SNX13: variants seen among roughly 807,000 people sequenced by gnomAD.
SNX13 encodes sorting nexin 13.
A neutral mutation model predicts 133.6 loss-of-function variants in SNX13; 45 were observed. That is an observed-to-expected ratio of 0.34 (90% confidence interval 0.27 to 0.43). The LOEUF is 0.43. Ranked by LOEUF, SNX13 falls within the 20% of genes least tolerant of loss-of-function variation. SNX13 has a pLI of 1.00. For synonymous variants in SNX13, 414 were observed against 373.9 expected (o/e 1.11, Z -1.24); for missense variants, 1,032 against 1,145.1 (o/e 0.90, Z 1.43).
At chr7:17,878,822 T>C (rs1284673595) in intron 5 of SNX13, among the ~76,000 whole-genome samples, 1 of 152,170 alleles carries the variant, frequency 6.6e-6, no homozygotes, top group African/African-American at 2.4e-5. Flanking sequence ...GTTATGCAGA[T>C]TCACAGGCTT....
At chr7:17,917,286 T>G (rs968654549) in intron 1 of SNX13, among the ~76,000 whole-genome samples, 1 of 152,080 alleles carries the variant, frequency 6.6e-6, no homozygotes, top group Non-Finnish European at 1.5e-5. Context: ...CCACTCCTAT[T>G]TAACATAGTA....
intron 8 of SNX13, among the ~76,000 whole-genome samples, chr7:17,873,260 A>G (rs1794323402): frequency 6.6e-6 from 1 of 152,154 alleles, no homozygotes; most frequent in South Asian, 2.1e-4. Context: ...TTGTTCTTTC[A>G]TGTACACACA....
chr7:17,926,898 G>A (rs946421042), intron 1 of SNX13, among the ~76,000 whole-genome samples: 2 of 151,828 alleles, frequency 1.3e-5, no homozygotes, highest in Non-Finnish European at 2.9e-5. Context: ...AAAAGAAAAA[G>A]GAATAGACTA....
chr7:17,831,295 C>T, intron 15 of SNX13: 1 of 955,928 alleles, frequency 1.0e-6, no homozygotes, highest in Non-Finnish European at 1.2e-6. Flanking sequence ...CATGGTGAGA[C>T]AAATAATGTT....
In SNX13 at chr7:17,940,372, G is replaced by A. The variant is rs965202420; in HGVS notation, c.-77C>T. On this transcript the variant is annotated 5_prime_UTR_variant, in exon 1 of 26. An upstream open reading frame in the 5' UTR gains an earlier in-frame stop. Transcript: ENST00000428135. ...GCCGTAGCAGCAGCGAAAACTGCTC[G>A]GGCCGCCGCCAACGGCGGCAACTGC... is the stretch of plus-strand genomic sequence containing the variant. The A allele has an allele frequency of 1.3e-6, 2 of 1,520,688 alleles. No individual in the cohort carries two copies. The highest frequency in any genetic ancestry group is 2.4e-5 in the East Asian group (1 of 40,822). 94.2% of individuals were successfully genotyped at this position (1,520,688 alleles called of 1,614,324 possible).
At chr7:17,935,785 T>C (rs907213191) in intron 1 of SNX13, among the ~76,000 whole-genome samples, 5 of 152,198 alleles carry the variant, frequency 3.3e-5, no homozygotes, top group African/African-American at 1.2e-4. Flanking sequence ...TCTTGACACC[T>C]CTGAATGCCA....
intron 9 of SNX13, among the ~76,000 whole-genome samples, chr7:17,864,885 C>G (rs1395279821): frequency 6.6e-6 from 1 of 152,026 alleles, no homozygotes; most frequent in Non-Finnish European, 1.5e-5. Flanking sequence ...AGCTCTGATA[C>G]GTCTGGCAGC....
intron 9 of SNX13, among the ~76,000 whole-genome samples, chr7:17,860,401 G>T (rs886298276): frequency 2.0e-5 from 3 of 152,074 alleles, no homozygotes; most frequent in Admixed American, 6.6e-5. Context: ...CGGATATATG[G>T]CTTGCAAATA....
At chr7:17,900,799 A>T (rs573577819) in intron 1 of SNX13, among the ~76,000 whole-genome samples, 1 of 152,288 alleles carries the variant, frequency 6.6e-6, no homozygotes, top group East Asian at 1.9e-4. Context: ...TTGGTGCTCT[A>T]TTCCACTGTA....
At chr7:17,857,400 C>G (rs1743984397) in intron 9 of SNX13, among the ~76,000 whole-genome samples, 1 of 152,152 alleles carries the variant, frequency 6.6e-6, no homozygotes, top group South Asian at 2.1e-4. Context: ...CCCAGCATTA[C>G]TCTAACACCA....
intron 9 of SNX13, among the ~76,000 whole-genome samples, chr7:17,856,801 A>G (rs79256263): frequency 1.3e-5 from 2 of 148,896 alleles, no homozygotes; most frequent in Non-Finnish European, 3.0e-5. Flanking sequence ...AAAAAAAAAA[A>G]AAGAAAGAAA....
rs1388469705 is a variant in SNX13, at chr7:17,862,543, TA to T, written c.837+5863del. 2.0e-5 allele frequency among the ~76,000 whole-genome samples: 3 copies of T among 152,312 alleles called. No homozygotes were observed. In the East Asian group the frequency reaches 5.8e-4, roughly 29 times the overall value. ...AAGTATATTTTTCTAAAGAATGGGA[TA>T]TTTATCTAACATATATGCTAATTTT... is the stretch of plus-strand genomic sequence containing the variant. On this transcript the variant is annotated intron_variant, in intron 9 of 25. Coordinates refer to ENST00000428135, the MANE Select transcript of SNX13 (RefSeq NM_015132.5).
At chr7:17,868,673 TAC>T (rs1793692972) in intron 8 of SNX13, among the ~76,000 whole-genome samples, 183 bp from the exon 9 acceptor site, 1 of 152,080 alleles carries the variant, frequency 6.6e-6, no homozygotes, top group South Asian at 2.1e-4. Context: ...ATAAATGAGA[TAC>T]AGTTACCTGT....
At chr7:17,918,739 A>G (rs1393046357) in intron 1 of SNX13, among the ~76,000 whole-genome samples, 2 of 152,246 alleles carry the variant, frequency 1.3e-5, no homozygotes, top group Non-Finnish European at 2.9e-5. Flanking sequence ...GGACCCCACA[A>G]TCCCATTACT....
At position 17,876,265 on chromosome 7, in the gene SNX13, G is replaced by C. The variant is rs546674365; in HGVS notation, c.441-475C>G. Among the ~76,000 whole-genome samples the C allele has an allele frequency of 4.6e-5, 7 of 152,274 alleles. No individual in the cohort carries two copies. In the East Asian group the frequency reaches 1.4e-3, roughly 29 times the overall value. On this transcript the variant is annotated intron_variant, in intron 5 of 25. Transcript: ENST00000428135. ...ATGCAACACATGTTCTGAACGTTCT[G>C]TTTGAATACACTAGCACTTAAAAAC...
At chr7:17,869,369 T>C (rs1384592042) in intron 8 of SNX13, among the ~76,000 whole-genome samples, 1 of 152,096 alleles carries the variant, frequency 6.6e-6, no homozygotes, top group Non-Finnish European at 1.5e-5. Context: ...ATGGCAGGCA[T>C]TTGATAAATG....
intron 1 of SNX13, among the ~76,000 whole-genome samples, chr7:17,917,673 C>G (rs972045140): frequency 8.6e-5 from 13 of 151,948 alleles, no homozygotes; most frequent in African/African-American, 3.1e-4. Flanking sequence ...AAAAAAAAAT[C>G]CATGGTCATG....
At chr7:17,931,618 C>G (rs931256821) in intron 1 of SNX13, among the ~76,000 whole-genome samples, 4 of 152,148 alleles carry the variant, frequency 2.6e-5, no homozygotes, top group Admixed American at 1.3e-4. Flanking sequence ...GAATAAGAAC[C>G]AAGGATTCTC....
At chr7:17,916,881 T>A (rs552710301) in intron 1 of SNX13, among the ~76,000 whole-genome samples, 1 of 152,240 alleles carries the variant, frequency 6.6e-6, no homozygotes, top group African/African-American at 2.4e-5. Context: ...TATAGGCCAA[T>A]ATCCCTTATG....
Sources: gnomAD v4.1 joint callset for allele counts (sites outside exome capture counted in the v4.1 genomes callset) on GRCh38, gnomAD v4.1.1 for gene constraint, MANE v1.5 for transcripts, NCBI Gene and HGNC (gene_info 2026-07-23, HGNC 2026-07-21) for gene names.